The following ZDHHC11 variants were observed in gnomAD, a reference collection of about 807,000 sequenced individuals.
ZDHHC11 encodes zDHHC palmitoyltransferase 11.
In ZDHHC11, 44 loss-of-function variants were observed where a neutral mutation model predicts 51.3. The ratio of observed to expected loss-of-function variants is 0.86; its 90% CI spans 0.67 to 1.10. The LOEUF (loss-of-function observed/expected upper bound fraction) is 1.10, where lower values mean the gene tolerates loss of function less well. Ranked by LOEUF, ZDHHC11 falls within the 50% of genes least tolerant of loss-of-function variation. The pLI is 0.00. For synonymous variants in ZDHHC11, 163 were observed against 222.0 expected (o/e 0.73, Z 2.36); for missense variants, 400 against 537.7 (o/e 0.74, Z 2.53).
chr5:795,832 C>T lies in ZDHHC11; in HGVS notation c.*756G>A, dbSNP rs1057010. 28,811 of 150,024 alleles carry T rather than the reference C, an allele frequency of 0.19. 3,589 individuals are homozygous for T. The highest frequency in any genetic ancestry group is 0.39 in the African/African-American group (15,070 of 38,774). The allele number at this position is 150,024 out of a possible 1,614,324, so 9.3% of individuals were successfully genotyped here. On this transcript the variant is annotated 3_prime_UTR_variant, in exon 13 of 13. Transcript: ENST00000283441. ...CTCCCATTTCCCAGTACTGTGCTCC[C>T]ATTTCCCAGTACTATGCTCCCATTT...
rs73016816 is a variant in ZDHHC11 at position 850,121 on chromosome 5, G to A, written c.222+260C>T. Among the ~76,000 whole-genome samples the A allele has an allele frequency of 0.019, 2,855 of 152,348 alleles. 88 individuals carry two copies. Among genetic ancestry groups the A allele is most frequent in the African/African-American group, 0.065 (2,713 of 41,570 alleles). On this transcript the variant is annotated intron_variant, in intron 1 of 12. Transcript: ENST00000283441. ...GCCAGCAGGGCGGGTCCTGCGCCACGCCAGGGGGCTGCTGTCCCTCCTGAC... is the reference window on the plus strand; with the variant it reads ...GCCAGCAGGGCGGGTCCTGCGCCACACCAGGGGGCTGCTGTCCCTCCTGAC...
At chr5:825,704 C>T (rs1382470419) in intron 7 of ZDHHC11, among the ~76,000 whole-genome samples, 1 of 152,124 alleles carries the variant, frequency 6.6e-6, no homozygotes. Context: ...TTGGAAGATG[C>T]CATAGGCCAC....
At chr5:814,381 T>C (rs1171272083) in intron 11 of ZDHHC11, among the ~76,000 whole-genome samples, 11 of 151,304 alleles carry the variant, frequency 7.3e-5, no homozygotes, top group African/African-American at 2.7e-4. Context: ...TTGTGCAGTG[T>C]TGGGGCAGAG....
chr5:855,445 G>A (rs902853550), upstream of ZDHHC11, among the ~76,000 whole-genome samples: 7 of 148,522 alleles, frequency 4.7e-5, no homozygotes, highest in African/African-American at 1.8e-4. Context: ...AGCGAGCCAG[G>A]GGGCACAGAC....
At chr5:836,405 T>A (rs1404425227) in intron 6 of ZDHHC11, among the ~76,000 whole-genome samples, 1 of 150,370 alleles carries the variant, frequency 6.7e-6, no homozygotes. Context: ...GCTGCTCGAT[T>A]TGGTTTCCCA....
At chr5:844,457 T>C in intron 3 of ZDHHC11, among the ~76,000 whole-genome samples, 1 of 152,294 alleles carries the variant, frequency 6.6e-6, no homozygotes, top group Non-Finnish European at 1.5e-5. Flanking sequence ...GTCACAGCTC[T>C]GGGGCCTCTG....
chr5:831,558 G>A (rs1211500932), intron 7 of ZDHHC11, among the ~76,000 whole-genome samples: 2 of 147,008 alleles, frequency 1.4e-5, no homozygotes, highest in Non-Finnish European at 3.0e-5. Context: ...ACTCCAGCCT[G>A]GGTGACAGAG....
At chr5:796,833 A>G (rs1356299506) in intron 12 of ZDHHC11, among the ~76,000 whole-genome samples, 3 of 152,222 alleles carry the variant, frequency 2.0e-5, no homozygotes, top group African/African-American at 7.2e-5. Context: ...CATCACCGAC[A>G]GAGGCCATTT....
chr5:858,587 C>CA (rs1244678221), intron 1 of ZDHHC11, among the ~76,000 whole-genome samples: 3 of 152,192 alleles, frequency 2.0e-5, no homozygotes, highest in African/African-American at 7.2e-5. Context: ...AGCATATCCT[C>CA]ACTCTCCTCC....
chr5:842,118 T>C (rs1745087918), intron 4 of ZDHHC11: 2 of 986,390 alleles, frequency 2.0e-6, no homozygotes, highest in Non-Finnish European at 2.4e-6. Flanking sequence ...AGGAATTCAC[T>C]CAGGCCACAA....
chr5:834,735 G>A (rs1480357758), intron 6 of ZDHHC11, among the ~76,000 whole-genome samples: 3 of 152,280 alleles, frequency 2.0e-5, no homozygotes, highest in African/African-American at 7.2e-5. Context: ...GTATGTCGGC[G>A]CCATTTTCCC....
chr5:828,402 G>C (rs1034945691), intron 7 of ZDHHC11, among the ~76,000 whole-genome samples: 15 of 150,990 alleles, frequency 9.9e-5, no homozygotes, highest in Admixed American at 7.2e-4. Flanking sequence ...CGGCTGGCCG[G>C]GTGGAGGTGC....
rs1253805001 is a variant in ZDHHC11, at chr5:840,623, A to C, written c.656T>G (p.Leu219Arg). 2.5e-6 allele frequency: 4 copies of C among 1,613,772 alleles called. No homozygotes were observed. The East Asian group carries it at 8.9e-5, about 36-fold the overall frequency. The part of the protein sequence containing the change: ...EDVKNMNTWL[L>R]FLPLFPVQVQ... ...CTGCACCGGGAACAGGGGGAGGAAC[A>C]GCAGCCACGTGTTCATATTCTTGAC... is the stretch of plus-strand genomic sequence containing the variant. Residue 219 changes from leucine to arginine, a missense_variant, in exon 5 of 13, where the codon CTG becomes CGG. Transcript: ENST00000283441.
chr5:843,053 G>A (rs1422895275), intron 4 of ZDHHC11, among the ~76,000 whole-genome samples: 3 of 152,284 alleles, frequency 2.0e-5, no homozygotes, highest in Non-Finnish European at 2.9e-5. Context: ...TGGGTTAGGC[G>A]TGGACTCGCC....
chr5:825,814 CAG>C (rs567263635), intron 7 of ZDHHC11, among the ~76,000 whole-genome samples: 461 of 151,918 alleles, frequency 3.0e-3, no homozygotes, highest in African/African-American at 0.011. Flanking sequence ...CAACTCATGA[CAG>C]AACAACCCTG....
rs1391438858 is a variant in ZDHHC11 at position 795,621 on chromosome 5, T to C, written c.*967A>G. On this transcript the variant is annotated 3_prime_UTR_variant, in exon 13 of 13. Coordinates refer to ENST00000283441, the MANE Select transcript of ZDHHC11 (RefSeq NM_024786.3). Reference sequence around the variant, plus strand: ...ACAGCCCAATGCACGTAGTAACTTATAGATATATTTGGAAAACTGATTATC... The same window carrying C: ...ACAGCCCAATGCACGTAGTAACTTACAGATATATTTGGAAAACTGATTATC... The C allele has an allele frequency of 6.6e-6, 1 of 152,548 alleles. No individual in the cohort carries two copies. Among genetic ancestry groups the C allele is most frequent in the East Asian group, 1.9e-4 (1 of 5,324 alleles). The allele number at this position is 152,548 out of a possible 1,614,324, so 9.4% of individuals were successfully genotyped here.
chr5:819,865 A>C (rs1741338047), intron 9 of ZDHHC11, among the ~76,000 whole-genome samples: 1 of 151,166 alleles, frequency 6.6e-6, no homozygotes, highest in African/African-American at 2.4e-5. Context: ...TACCTCCCTG[A>C]AGTCTGCGAG....
intron 8 of ZDHHC11, among the ~76,000 whole-genome samples, chr5:824,441 A>G (rs974778996): frequency 6.6e-6 from 1 of 151,424 alleles, no homozygotes; most frequent in African/African-American, 2.4e-5. Flanking sequence ...ATGTTGGGTG[A>G]TGGAGTGAGA....
intron 7 of ZDHHC11, among the ~76,000 whole-genome samples, chr5:828,477 GA>G (rs1344385296): frequency 6.6e-6 from 1 of 151,328 alleles, no homozygotes; most frequent in East Asian, 1.9e-4. Context: ...CTCCCTCCCG[GA>G]CGGGGGACCT....
Sources: gnomAD v4.1 joint callset for allele counts (sites outside exome capture counted in the v4.1 genomes callset) on GRCh38, gnomAD v4.1.1 for gene constraint, MANE v1.5 for transcripts, NCBI Gene and HGNC (gene_info 2026-07-23, HGNC 2026-07-21) for gene names.